Variants in DTL observed in about 807,000 individuals in gnomAD.
DTL encodes denticleless protein homolog.
A neutral mutation model predicts 87.0 loss-of-function variants in DTL; 46 were observed. The ratio of observed to expected loss-of-function variants is 0.53; its 90% confidence interval spans 0.42 to 0.68. The LOEUF is 0.68. DTL is among the 30% of genes least tolerant of loss of function. The pLI, the probability that DTL is intolerant of heterozygous loss-of-function variation, is 0.00. For missense variants in DTL, 737 were observed against 869.4 expected, an observed-to-expected ratio of 0.85 and a Z score of 1.91; for synonymous variants, 308 against 311.2, an observed-to-expected ratio of 0.99 and a Z score of 0.11.
At chr1:212,064,033 C>T (rs886779990) in intron 6 of DTL, among the ~76,000 whole-genome samples, 2 of 151,806 alleles carry the variant, frequency 1.3e-5, no homozygotes, top group African/African-American at 2.4e-5. Flanking sequence ...GCTGGGATTA[C>T]AGGTGCATGC....
chr1:212,101,112 TTTCCTAACTTAAAA>T, intron 14 of DTL, 28 bp downstream of exon 14: 1 of 1,506,954 alleles, frequency 6.6e-7, no homozygotes, highest in Non-Finnish European at 8.9e-7. Flanking sequence ...GGAAGATACA[TTTCCTAACTTAAAA>T]GGGGCCAGAC....
At chr1:212,061,509 AAAC>A (rs1237890989) in intron 5 of DTL, among the ~76,000 whole-genome samples, 1 of 151,726 alleles carries the variant, frequency 6.6e-6, no homozygotes, top group South Asian at 2.1e-4. Flanking sequence ...AAAAAAAAAA[AAAC>A]AAATAGAATT....
intron 12 of DTL, among the ~76,000 whole-genome samples, chr1:212,078,577 A>G (rs1416715724): frequency 2.0e-5 from 3 of 152,198 alleles, no homozygotes; most frequent in Admixed American, 2.0e-4. Flanking sequence ...ATACAATCTA[A>G]GGTGAGAACT....
intron 10 of DTL, among the ~76,000 whole-genome samples, chr1:212,070,818 T>C (rs908397449): frequency 2.0e-5 from 3 of 152,296 alleles, no homozygotes; most frequent in African/African-American, 7.2e-5. Context: ...ATTGAGCTCA[T>C]TAAAGCCAAC....
At chr1:212,065,728 CAG>C (rs1204545198) in intron 7 of DTL, among the ~76,000 whole-genome samples, 4 of 152,252 alleles carry the variant, frequency 2.6e-5, no homozygotes, top group Admixed American at 6.5e-5. Context: ...TGTTTTGAGA[CAG>C]AGTCTCGCTC....
Position 212,080,863 on chromosome 1 carries a change from C to T in DTL, c.1261+113C>T, listed in dbSNP as rs1571971777. On this transcript the variant is annotated intron_variant, in intron 13 of 14. Coordinates refer to ENST00000366991, the MANE Select transcript of DTL (RefSeq NM_016448.4). Reference sequence around the variant, plus strand: ...TTTGGTATGTTTTTAAAGAAAAGCACTATCTTCTTGCCATTCATTCTTTTT... The same window carrying T: ...TTTGGTATGTTTTTAAAGAAAAGCATTATCTTCTTGCCATTCATTCTTTTT... The T allele has an allele frequency of 2.6e-6, 3 of 1,135,420 alleles. No individual in the cohort carries two copies. In the East Asian group the frequency reaches 7.3e-5, roughly 28 times the overall value. The allele number at this position is 1,135,420 out of a possible 1,614,324, so 70.3% of individuals were successfully genotyped here. A position where few individuals can be genotyped will look rare whatever the true frequency, so the allele number is the denominator to read the frequency against.
At chr1:212,081,209 A>AG (rs932102752) in intron 13 of DTL, among the ~76,000 whole-genome samples, 1 of 152,134 alleles carries the variant, frequency 6.6e-6, no homozygotes, top group Non-Finnish European at 1.5e-5. Flanking sequence ...TTAGGTGACC[A>AG]GGGGGGCCTC....
At chr1:212,044,813 C>T in intron 3 of DTL, 55 bp downstream of exon 3, 2 of 1,005,880 alleles carry the variant, frequency 2.0e-6, no homozygotes, top group East Asian at 2.4e-5. Context: ...TACACATCCT[C>T]AAGTATATTA....
intron 11 of DTL, among the ~76,000 whole-genome samples, chr1:212,074,577 T>A (rs530452362): frequency 5.3e-5 from 8 of 152,262 alleles, no homozygotes; most frequent in African/African-American, 1.7e-4. Context: ...GCTCTGATAT[T>A]TGAGATCCTG....
intron 5 of DTL, among the ~76,000 whole-genome samples, chr1:212,057,748 AATGTAAAC>A (rs1242099763): frequency 6.6e-6 from 1 of 152,212 alleles, no homozygotes; most frequent in Non-Finnish European, 1.5e-5. Flanking sequence ...AATAACGTTG[AATGTAAAC>A]ATGTTAAACT....
At position 212,068,337 on chromosome 1, in the gene DTL, T is replaced by G. The variant is rs1047985383; in HGVS notation, c.817+10T>G. On this transcript the variant is annotated intron_variant, in intron 9 of 14. Transcript: ENST00000366991. ...AGCACTCGAAAACTTGGTAAGCCTT[T>G]AATAGGTCTTTTGGGGGAGATAAGA... 4 of 1,552,026 alleles carry G rather than the reference T, an allele frequency of 2.6e-6. No individual in the cohort carries two copies. Among genetic ancestry groups the G allele is most frequent in the Non-Finnish European group, 3.5e-6 (4 of 1,141,470 alleles).
intron 7 of DTL, 114 bp from the exon 8 acceptor site, chr1:212,066,698 A>C: frequency 1.3e-6 from 1 of 753,044 alleles, no homozygotes; most frequent in South Asian, 1.7e-5. Flanking sequence ...ATCATTAGAC[A>C]AGACTTCATC....
intron 13 of DTL, among the ~76,000 whole-genome samples, chr1:212,087,807 A>G (rs1216113772): frequency 6.6e-6 from 1 of 152,044 alleles, no homozygotes; most frequent in Non-Finnish European, 1.5e-5. Flanking sequence ...CCAAGCTTCT[A>G]ATTGCCACGC....
chr1:212,077,906 G>T (rs1654879046), intron 11 of DTL, among the ~76,000 whole-genome samples: 1 of 152,096 alleles, frequency 6.6e-6, no homozygotes, highest in African/African-American at 2.4e-5. Context: ...AGGTTGTCCT[G>T]ATATGAAATA....
chr1:212,082,999 G>A (rs1655030639), intron 13 of DTL, among the ~76,000 whole-genome samples: 1 of 152,142 alleles, frequency 6.6e-6, no homozygotes, highest in South Asian at 2.1e-4. Context: ...AGTTGACAGT[G>A]GATGCAAAGA....
intron 13 of DTL, among the ~76,000 whole-genome samples, chr1:212,090,734 T>A (rs1035170203): frequency 1.3e-5 from 2 of 152,264 alleles, no homozygotes; most frequent in African/African-American, 4.8e-5. Context: ...TTTTGCCTTG[T>A]GGAAAATAGT....
intron 14 of DTL, 27 bp downstream of exon 14, chr1:212,101,111 A>AG (rs765596830): frequency 6.7e-7 from 1 of 1,503,046 alleles, no homozygotes; most frequent in Non-Finnish European, 8.9e-7. Context: ...GGGAAGATAC[A>AG]TTTCCTAACT....
At chr1:212,067,435 GTT>G (rs1654538687) in intron 8 of DTL, among the ~76,000 whole-genome samples, 3 of 152,104 alleles carry the variant, frequency 2.0e-5, no homozygotes, top group Non-Finnish European at 4.4e-5. Flanking sequence ...TGTTGATTGT[GTT>G]GTAGAATATT....
At chr1:212,042,014 A>G (rs923319825) in intron 1 of DTL, among the ~76,000 whole-genome samples, 1 of 152,208 alleles carries the variant, frequency 6.6e-6, no homozygotes, top group African/African-American at 2.4e-5. Context: ...TCCACATAGT[A>G]CTTTTGATGA....
Sources: allele counts gnomAD v4.1 joint callset (sites outside exome capture counted in the v4.1 genomes callset), GRCh38; gene constraint gnomAD v4.1.1; transcripts MANE v1.5; gene names NCBI Gene and HGNC (gene_info 2026-07-23, HGNC 2026-07-21).